Variants in CALU observed in about 807,000 individuals in gnomAD.
The protein encoded by CALU is calumenin.
Under a neutral mutation model 37.5 loss-of-function variants are expected in CALU, and 13 were observed. The ratio of observed to expected loss-of-function variants is 0.35; its 90% CI spans 0.23 to 0.55. CALU has a LOEUF of 0.55. CALU is among the 20% of genes least tolerant of loss of function. The pLI is 0.89. For missense variants in CALU, 282 were observed against 391.7 expected (o/e 0.72, Z 2.36); for synonymous variants, 114 against 133.8 (o/e 0.85, Z 1.02).
chr7:128,772,645 G>T lies in CALU; in HGVS notation c.*3478G>T. The T allele has an allele frequency of 1.2e-6, 2 of 1,614,126 alleles. No homozygotes were observed. The highest frequency in any genetic ancestry group is 1.7e-6 in the Non-Finnish European group (2 of 1,179,996). On this transcript the variant is annotated 3_prime_UTR_variant, in exon 7 of 7. Transcript: ENST00000249364. ...TGGCCTTCCCACACACCATCTTCAT[G>T]ATGCAAGCTTGGAACTGGAGAGAAA...
intron 3 of CALU, 143 bp downstream of exon 3, chr7:128,754,598 TA>T: frequency 6.4e-7 from 1 of 1,551,996 alleles, no homozygotes; most frequent in Non-Finnish European, 8.7e-7. Flanking sequence ...AATCCTGGAT[TA>T]AGCACGCCCA....
chr7:128,749,794 G>C (rs1800589034), intron 2 of CALU, among the ~76,000 whole-genome samples: 1 of 152,104 alleles, frequency 6.6e-6, no homozygotes, highest in Non-Finnish European at 1.5e-5. Flanking sequence ...TTGCTATGTA[G>C]AATGAGCACT....
chr7:128,742,776 C>G (rs1800288135), intron 1 of CALU, among the ~76,000 whole-genome samples: 1 of 152,112 alleles, frequency 6.6e-6, no homozygotes, highest in Non-Finnish European at 1.5e-5. Flanking sequence ...CACACTTAAC[C>G]CAGTTAGGCT....
At chr7:128,753,767 C>T (rs1800764174) in intron 2 of CALU, among the ~76,000 whole-genome samples, 1 of 152,038 alleles carries the variant, frequency 6.6e-6, no homozygotes, top group African/African-American at 2.4e-5. Flanking sequence ...GTTACTTTTT[C>T]TAAAATCAGC....
chr7:128,741,267 G>A (rs569611481), intron 1 of CALU, among the ~76,000 whole-genome samples: 1 of 152,318 alleles, frequency 6.6e-6, no homozygotes, highest in African/African-American at 2.4e-5. Context: ...TCCAGTAAAC[G>A]GAATTGGAAG....
intron 1 of CALU, among the ~76,000 whole-genome samples, chr7:128,740,286 A>G (rs576295720): frequency 5.9e-5 from 9 of 152,364 alleles, no homozygotes; most frequent in African/African-American, 1.9e-4. Flanking sequence ...CTAAGTGTAT[A>G]AAATTCTAGA....
At chr7:128,751,606 A>T (rs748703700) in intron 2 of CALU, among the ~76,000 whole-genome samples, 7 of 152,152 alleles carry the variant, frequency 4.6e-5, no homozygotes, top group African/African-American at 1.7e-4. Context: ...ATGTGCCTGT[A>T]GTCCCAGCTA....
intron 5 of CALU, among the ~76,000 whole-genome samples, chr7:128,764,833 T>C (rs1435445585): frequency 6.6e-6 from 1 of 152,184 alleles, no homozygotes; most frequent in Non-Finnish European, 1.5e-5. Flanking sequence ...TTTATACTAC[T>C]TATCAGTCAC....
At position 128,769,237 on chromosome 7, in the gene CALU, T is replaced by G. The variant is rs1428358889; in HGVS notation, c.*70T>G. 17 of 838,384 alleles carry G rather than the reference T, an allele frequency of 2.0e-5. No individual in the cohort carries two copies. Among genetic ancestry groups the G allele is most frequent in the Non-Finnish European group, 2.5e-5 (13 of 514,464 alleles). 51.9% of individuals were successfully genotyped at this position (838,384 alleles called of 1,614,324 possible). On this transcript the variant is annotated 3_prime_UTR_variant, in exon 7 of 7. Transcript: ENST00000249364. Reference sequence around the variant, plus strand: ...AGCTTCTGGTTTCACATGAAATTGTTTGCGCTACTGAGACTGTTACTACAA... The same window carrying G: ...AGCTTCTGGTTTCACATGAAATTGTGTGCGCTACTGAGACTGTTACTACAA...
intron 5 of CALU, among the ~76,000 whole-genome samples, chr7:128,763,421 C>T (rs1208877221): frequency 6.6e-6 from 1 of 152,116 alleles, no homozygotes; most frequent in Non-Finnish European, 1.5e-5. Flanking sequence ...ATCCCAGCTA[C>T]TCAGGAGGCT....
intron 2 of CALU, among the ~76,000 whole-genome samples, chr7:128,752,452 G>T (rs1210010898): frequency 1.3e-5 from 2 of 152,110 alleles, no homozygotes; most frequent in African/African-American, 4.8e-5. Context: ...CCTTTTGGGG[G>T]TAGGAGGGGT....
intron 5 of CALU, among the ~76,000 whole-genome samples, chr7:128,762,088 C>T (rs903398807): frequency 1.1e-4 from 16 of 151,334 alleles, no homozygotes; most frequent in African/African-American, 3.9e-4. Context: ...TGGATAAGTG[C>T]CTAGGTGCAT....
At chr7:128,747,990 T>C in intron 1 of CALU, 1 of 186,964 alleles carries the variant, frequency 5.3e-6, no homozygotes, top group South Asian at 1.4e-4. Flanking sequence ...GCCTGGATGT[T>C]GGAGACTTGG....
intron 1 of CALU, among the ~76,000 whole-genome samples, chr7:128,743,216 AT>A (rs1800306600): frequency 6.6e-6 from 1 of 152,120 alleles, no homozygotes; most frequent in Non-Finnish European, 1.5e-5. Context: ...GAGGGACAGA[AT>A]TTTAGAGAGA....
intron 3 of CALU, 98 bp from the exon 4 acceptor site, chr7:128,758,773 G>T: frequency 1.2e-6 from 1 of 836,514 alleles, no homozygotes; most frequent in African/African-American, 1.7e-5. Flanking sequence ...TTTCTTCCTT[G>T]CATGGTTTTA....
chr7:128,769,249 G>A lies in CALU; in HGVS notation c.*82G>A. 2.8e-6 allele frequency: 2 copies of A among 718,266 alleles called. No homozygotes were observed. The highest frequency in any genetic ancestry group is 2.4e-4 in the Middle Eastern group (1 of 4,132). 44.5% of individuals were successfully genotyped at this position (718,266 alleles called of 1,614,324 possible). A position where few individuals can be genotyped will look rare whatever the true frequency, so the allele number is the denominator to read the frequency against. ...CACATGAAATTGTTTGCGCTACTGA[G>A]ACTGTTACTACAAACTTTTTAAGAC... On this transcript the variant is annotated 3_prime_UTR_variant, in exon 7 of 7. Transcript: ENST00000249364.
At chr7:128,768,825 C>G (rs1801430538) in intron 6 of CALU, among the ~76,000 whole-genome samples, 1 of 101,028 alleles carries the variant, frequency 9.9e-6, no homozygotes, top group Non-Finnish European at 1.8e-5. Flanking sequence ...CCAGCCTGGG[C>G]AACAAGAGCG....
chr7:128,763,870 C>T (rs573795678), intron 5 of CALU, among the ~76,000 whole-genome samples: 1 of 152,282 alleles, frequency 6.6e-6, no homozygotes, highest in South Asian at 2.1e-4. Context: ...ACCCTTAACC[C>T]TCAAGGTCAG....
intron 3 of CALU, chr7:128,754,703 G>C (rs1563130825): frequency 1.3e-6 from 2 of 1,551,166 alleles, no homozygotes; most frequent in Non-Finnish European, 1.7e-6. Flanking sequence ...ACAGAAACGT[G>C]ACTTATGGCA....
Sources: allele counts gnomAD v4.1 joint callset (sites outside exome capture counted in the v4.1 genomes callset), GRCh38; gene constraint gnomAD v4.1.1; transcripts MANE v1.5; gene names NCBI Gene and HGNC (gene_info 2026-07-23, HGNC 2026-07-21).